The following SPRED2 variants were observed in gnomAD, a reference collection of about 807,000 sequenced individuals.
SPRED2 encodes sprouty related EVH1 domain containing 2, also known as sprouty-related, EVH1 domain-containing protein 2.
In SPRED2, 47 loss-of-function variants were observed where a neutral mutation model predicts 43.0. The ratio of observed to expected loss-of-function variants is 1.09; its 90% CI spans 0.87 to 1.40. SPRED2 has a LOEUF of 1.40. SPRED2 is among the 40% of genes most tolerant of loss of function. SPRED2 has a pLI of 0.00. For synonymous variants in SPRED2, 225 were observed against 225.7 expected (o/e 1.00, Z 0.03); for missense variants, 561 against 586.4 (o/e 0.96, Z 0.45).
chr2:65,388,221 T>C (rs1180307903), intron 1 of SPRED2, among the ~76,000 whole-genome samples: 5 of 152,322 alleles, frequency 3.3e-5, no homozygotes, highest in Non-Finnish European at 7.3e-5. Context: ...TAATAAAGCG[T>C]GTATGGGGAA....
downstream of SPRED2, among the ~76,000 whole-genome samples, chr2:65,307,352 C>T (rs1029317233): frequency 5.3e-5 from 8 of 152,028 alleles, no homozygotes; most frequent in Admixed American, 1.3e-4. Flanking sequence ...TGCGCCACCA[C>T]GCCTGGCTAA....
At chr2:65,416,191 C>T (rs202091497) in intron 1 of SPRED2, among the ~76,000 whole-genome samples, 2 of 152,140 alleles carry the variant, frequency 1.3e-5, no homozygotes, top group South Asian at 2.1e-4. Flanking sequence ...CAGATTCAAT[C>T]GGTCTACGGA....
chr2:65,370,122 GA>G (rs945363767), intron 1 of SPRED2, among the ~76,000 whole-genome samples: 4 of 152,202 alleles, frequency 2.6e-5, no homozygotes, highest in African/African-American at 9.6e-5. Context: ...AGTTTGGAGT[GA>G]AATTTACTTG....
downstream of SPRED2, chr2:65,310,839 C>A (rs1438693128): frequency 1.1e-5 from 11 of 983,924 alleles, no homozygotes; most frequent in Non-Finnish European, 1.2e-5. Flanking sequence ...ACAAATACCC[C>A]AAAGCCAGCG....
intron 1 of SPRED2, among the ~76,000 whole-genome samples, chr2:65,362,998 A>ATTTTTTTT (rs1558669510): frequency 2.0e-5 from 2 of 102,156 alleles, no homozygotes; most frequent in African/African-American, 8.9e-5. Context: ...TATGGTCATC[A>ATTTTTTTT]TGTTTTGTTT....
intron 1 of SPRED2, among the ~76,000 whole-genome samples, chr2:65,422,137 T>TC (rs1676444269): frequency 9.4e-6 from 1 of 106,432 alleles, no homozygotes; most frequent in Non-Finnish European, 2.0e-5. Context: ...CTCTCTCTCT[T>TC]ACCCTCACTC....
intron 1 of SPRED2, among the ~76,000 whole-genome samples, chr2:65,385,016 A>C (rs1368117918): frequency 7.2e-6 from 1 of 138,590 alleles, no homozygotes; most frequent in Non-Finnish European, 1.5e-5. Context: ...TCTGTCACCC[A>C]GGCTGGAGTG....
intron 1 of SPRED2, among the ~76,000 whole-genome samples, chr2:65,421,854 G>A (rs1461653812): frequency 1.3e-5 from 2 of 152,104 alleles, no homozygotes; most frequent in African/African-American, 4.8e-5. Flanking sequence ...TTTTTTATAC[G>A]AGAAAACTGA....
At chr2:65,365,643 AC>A (rs2104327680) in intron 1 of SPRED2, among the ~76,000 whole-genome samples, 1 of 152,322 alleles carries the variant, frequency 6.6e-6, no homozygotes, top group Non-Finnish European at 1.5e-5. Context: ...ATAGGTCCTG[AC>A]CTAGCCATTC....
At chr2:65,344,921 C>T in intron 1 of SPRED2, 25 bp from the exon 2 acceptor site, 1 of 1,601,898 alleles carries the variant, frequency 6.2e-7, no homozygotes, top group Non-Finnish European at 8.5e-7. Flanking sequence ...AGAAGAAGCA[C>T]AGGGCATGAC....
At chr2:65,316,136 G>C (rs114697110) in intron 5 of SPRED2, among the ~76,000 whole-genome samples, 4,303 of 152,258 alleles carry the variant, frequency 0.028, 85 homozygotes, top group Non-Finnish European at 0.04. Flanking sequence ...CCCCACACAG[G>C]CACCAGTCCA....
chr2:65,406,401 C>T (rs1676024573), intron 1 of SPRED2, among the ~76,000 whole-genome samples: 1 of 152,210 alleles, frequency 6.6e-6, no homozygotes. Context: ...AACCCTTCCC[C>T]CCAAATCAAA....
chr2:65,310,156 T>G (rs1029584563), downstream of SPRED2, among the ~76,000 whole-genome samples: 4 of 152,176 alleles, frequency 2.6e-5, no homozygotes, highest in African/African-American at 9.7e-5. Flanking sequence ...TTCTCACCTT[T>G]GCCAGTGGCT....
chr2:65,380,365 C>G (rs1675343777), intron 1 of SPRED2, among the ~76,000 whole-genome samples: 1 of 152,186 alleles, frequency 6.6e-6, no homozygotes, highest in Non-Finnish European at 1.5e-5. Context: ...AAACCCCTGT[C>G]ATTAAAGCTT....
At chr2:65,358,560 T>G (rs1165257448) in intron 1 of SPRED2, among the ~76,000 whole-genome samples, 1 of 152,216 alleles carries the variant, frequency 6.6e-6, no homozygotes, top group Non-Finnish European at 1.5e-5. Context: ...AACAAAGCAA[T>G]TATTTAGCTT....
chr2:65,334,836 G>T, intron 2 of SPRED2, 63 bp from the exon 3 acceptor site: 1 of 1,571,138 alleles, frequency 6.4e-7, no homozygotes, highest in South Asian at 1.1e-5. Flanking sequence ...TCTGGTTACA[G>T]AAGTCTAATT....
intron 1 of SPRED2, among the ~76,000 whole-genome samples, chr2:65,349,408 A>G (rs1197710179): frequency 6.6e-6 from 1 of 151,518 alleles, no homozygotes; most frequent in Non-Finnish European, 1.5e-5. Context: ...AACCCCATTT[A>G]TTTAAAAACA....
chr2:65,366,903 T>C, intron 1 of SPRED2: 3 of 408,018 alleles, frequency 7.4e-6, no homozygotes, highest in Non-Finnish European at 9.9e-6. Context: ...CCAATTAAAA[T>C]ATTGTTTTAA....
rs745895241 is a variant in SPRED2 at position 65,334,734 on chromosome 2, T to G, written c.244A>C (p.Thr82Pro). ...ECYVRKDLVY[T>P]KANPTFHHWK... ...TGATGAAACGTTGGATTGGCTTTGG[T>G]GTAGACCAAGTCCTTTCTTACATAG... Residue 82 changes from threonine (T) to proline (P), a missense_variant, in exon 3 of 6, where the codon ACC (threonine) becomes CCC (proline). Physicochemically the swap from Thr to Pro is conservative, Grantham distance 38. Around this residue, in one of 6 missense-constraint regions of SPRED2, gnomAD observed 305 missense variants for 282.4 expected, o/e 1.08. Coordinates refer to ENST00000356388, the MANE Select transcript of SPRED2 (RefSeq NM_181784.3). 6.2e-7 allele frequency: 1 copy of G among 1,614,224 alleles called. No individual in the cohort carries two copies. Among genetic ancestry groups the G allele is most frequent in the East Asian group, 2.2e-5 (1 of 44,892 alleles).
Sources: gnomAD v4.1 joint callset for allele counts (sites outside exome capture counted in the v4.1 genomes callset) on GRCh38, gnomAD v4.1.1 for gene constraint, gnomAD v4.1.1 regional missense constraint, MANE v1.5 for transcripts, NCBI Gene and HGNC (gene_info 2026-07-23, HGNC 2026-07-21) for gene names.